ARMC2: variants seen among roughly 807,000 people sequenced by gnomAD.
ARMC2 encodes armadillo repeat-containing protein 2.
A neutral mutation model predicts 90.3 loss-of-function variants in ARMC2; 67 were observed. The observed-to-expected ratio is 0.74, with a 90% confidence interval of 0.61 to 0.91. The LOEUF (loss-of-function observed/expected upper bound fraction) is 0.91. ARMC2 is among the 40% of genes least tolerant of loss of function. The pLI is 0.00. For missense variants in ARMC2, 920 were observed against 1,030.9 expected, an observed-to-expected ratio of 0.89 and a Z score of 1.47; for synonymous variants, 393 against 393.0, an observed-to-expected ratio of 1.00 and a Z score of 0.00.
intron 1 of ARMC2, chr6:108,848,937 G>A (rs576728124): frequency 2.0e-5 from 3 of 152,300 alleles, no homozygotes; most frequent in East Asian, 1.9e-4. Flanking sequence ...GGTCCGGAGC[G>A]GTTGTCTTTT....
chr6:109,035,021 T>G, the ARMC2 span, among the ~76,000 whole-genome samples: 1 of 152,232 alleles, frequency 6.6e-6, no homozygotes, highest in Non-Finnish European at 1.5e-5. Context: ...ACTTATTTTC[T>G]TAATAGGTTT....
chr6:108,991,314 T>C, the ARMC2 span, among the ~76,000 whole-genome samples: 1 of 152,142 alleles, frequency 6.6e-6, no homozygotes, highest in African/African-American at 2.4e-5. Context: ...TGATCACAGC[T>C]CACTGCAGTC....
chr6:108,926,434 T>C (rs1379382567), intron 10 of ARMC2, among the ~76,000 whole-genome samples: 1 of 152,138 alleles, frequency 6.6e-6, no homozygotes, highest in Non-Finnish European at 1.5e-5. Flanking sequence ...TCACAAAAGA[T>C]CTATTCCTGG....
intron 12 of ARMC2, among the ~76,000 whole-genome samples, chr6:108,949,585 A>G (rs1325567572): frequency 1.3e-5 from 2 of 152,212 alleles, no homozygotes; most frequent in African/African-American, 4.8e-5. Context: ...CTTCTTTAAG[A>G]TGCTTAATTC....
chr6:108,869,905 A>G (rs1283675354), intron 4 of ARMC2, among the ~76,000 whole-genome samples: 1 of 152,204 alleles, frequency 6.6e-6, no homozygotes, highest in Non-Finnish European at 1.5e-5. Context: ...TCACACCAGC[A>G]TTTTTAAAAA....
At chr6:108,990,905 G>T in the ARMC2 span, 1 of 1,321,076 alleles carries the variant, frequency 7.6e-7, no homozygotes. Flanking sequence ...TAGCTCTGTA[G>T]CATGGTAAAA....
the ARMC2 span, chr6:108,986,862 AG>A: frequency 1.3e-5 from 2 of 152,274 alleles, no homozygotes; most frequent in Non-Finnish European, 2.9e-5. Flanking sequence ...TGCTTTTTGA[AG>A]AAAATCTTTA....
intron 10 of ARMC2, among the ~76,000 whole-genome samples, chr6:108,924,939 G>A (rs1774966459): frequency 6.6e-6 from 1 of 152,166 alleles, no homozygotes; most frequent in African/African-American, 2.4e-5. Flanking sequence ...CCAGTCAGGT[G>A]GGGAAAGGGG....
At position 108,869,396 on chromosome 6, in the gene ARMC2, T is replaced by G. The variant is rs1429706293; in HGVS notation, c.463+401T>G. On this transcript the variant is annotated intron_variant, in intron 4 of 17. Transcript: ENST00000392644. ...GGTGGCACGTGCCTGTAATCCCAGC[T>G]ACTCGGGAGGCTGAGGCAGGAGAAG... 2.6e-5 allele frequency among the ~76,000 whole-genome samples: 4 copies of G among 152,102 alleles called. No individual in the cohort carries two copies. The East Asian group carries it at 5.8e-4, about 22-fold the overall frequency.
intron 10 of ARMC2, among the ~76,000 whole-genome samples, chr6:108,913,731 C>T (rs1773663964): frequency 3.3e-5 from 5 of 152,118 alleles, no homozygotes; most frequent in East Asian, 3.9e-4. Flanking sequence ...TTAAATAACC[C>T]GTTACTTTTA....
At chr6:109,040,000 G>A in the ARMC2 span, among the ~76,000 whole-genome samples, 1 of 152,204 alleles carries the variant, frequency 6.6e-6, no homozygotes, top group Non-Finnish European at 1.5e-5. Context: ...GAAGGACTGT[G>A]AGAGAATGTG....
At chr6:109,005,602 AAC>A in the ARMC2 span, among the ~76,000 whole-genome samples, 1 of 152,218 alleles carries the variant, frequency 6.6e-6, no homozygotes, top group South Asian at 2.1e-4. Flanking sequence ...ATGCTTGAGA[AAC>A]AGAGTATTTC....
intron 12 of ARMC2, among the ~76,000 whole-genome samples, chr6:108,939,904 A>C (rs1305984805): frequency 6.6e-6 from 1 of 152,202 alleles, no homozygotes; most frequent in African/African-American, 2.4e-5. Flanking sequence ...TAACCTCTTG[A>C]TACCAAAGGT....
intron 5 of ARMC2, among the ~76,000 whole-genome samples, chr6:108,893,267 A>G (rs1771274409): frequency 6.6e-6 from 1 of 152,210 alleles, no homozygotes. Context: ...CAGTTTTTTA[A>G]TGTTTAAAAT....
chr6:108,907,580 G>C, intron 8 of ARMC2: 3 of 1,522,020 alleles, frequency 2.0e-6, no homozygotes, highest in Non-Finnish European at 2.7e-6. Context: ...CCAAGGTCGT[G>C]GGGTGGGGGG....
the ARMC2 span, among the ~76,000 whole-genome samples, chr6:109,003,619 C>T: frequency 3.3e-5 from 5 of 152,108 alleles, no homozygotes; most frequent in Non-Finnish European, 7.4e-5. Flanking sequence ...CCTGGTTAGT[C>T]CATCCTTACA....
chr6:108,854,309 A>G lies in ARMC2; in HGVS notation c.42A>G (p.Pro14=). 6.2e-7 allele frequency: 1 copy of G among 1,612,386 alleles called. No homozygotes were observed. Among genetic ancestry groups the G allele is most frequent in the Admixed American group, 1.7e-5 (1 of 59,812 alleles). ...ATAAAATGTTAGGAAAACTGGATCC[A>G]TTTTATCAACCTTCAGTGTCCAAGC... is the stretch of plus-strand genomic sequence containing the variant. ...PNDKMLGKLD[P]FYQPSVSKQK... Residue 14 remains proline (P), a synonymous_variant, in exon 2 of 18, where the codon CCA becomes CCG. Coordinates refer to ENST00000392644, the MANE Select transcript of ARMC2 (RefSeq NM_032131.6).
rs1210014328 is a variant in ARMC2 at position 108,964,415 on chromosome 6, C to G, written c.2285+103C>G. On this transcript the variant is annotated intron_variant, in intron 16 of 17. Coordinates refer to ENST00000392644, the MANE Select transcript of ARMC2 (RefSeq NM_032131.6). The stretch of plus-strand genomic sequence containing the variant: ...TCATTCCTGTGGGGCAAAGGTATTT[C>G]AACATTGGGAAGCCCCTAAGCTGAG... 10 of 1,346,318 alleles carry G rather than the reference C, an allele frequency of 7.4e-6. No homozygotes were observed. The East Asian group carries it at 2.1e-4, about 29-fold the overall frequency. 83.4% of individuals were successfully genotyped at this position (1,346,318 alleles called of 1,614,324 possible). A position where few individuals can be genotyped will look rare whatever the true frequency, so the allele number is the denominator to read the frequency against.
the ARMC2 span, among the ~76,000 whole-genome samples, chr6:109,052,076 A>G: frequency 6.6e-6 from 1 of 152,230 alleles, no homozygotes; most frequent in African/African-American, 2.4e-5. Flanking sequence ...ATTACTTTTA[A>G]TAAGACAGAT....
Sources: allele counts gnomAD v4.1 joint callset (sites outside exome capture counted in the v4.1 genomes callset), GRCh38; gene constraint gnomAD v4.1.1; transcripts MANE v1.5; gene names NCBI Gene and HGNC (gene_info 2026-07-23, HGNC 2026-07-21).